CATSPERT: variants seen among roughly 807,000 people sequenced by gnomAD.
CATSPERT encodes the protein cation channel sperm-associated targeting subunit tau.
chr2:201,521,431 C>CAG, the CATSPERT span, among the ~76,000 whole-genome samples: 152 of 73,202 alleles, frequency 2.1e-3, 1 homozygote, highest in African/African-American at 4.0e-3. Flanking sequence ...GAGAGACAGA[C>CAG]AGAGAGAGAG....
the CATSPERT span, chr2:201,582,092 T>C: frequency 6.3e-6 from 10 of 1,599,842 alleles, no homozygotes; most frequent in Admixed American, 1.8e-5. Flanking sequence ...ATTTTATACA[T>C]ACCTGAATTA....
chr2:201,560,346 C>T, the CATSPERT span, among the ~76,000 whole-genome samples: 1 of 151,620 alleles, frequency 6.6e-6, no homozygotes, highest in African/African-American at 2.4e-5. Context: ...CTCCTTGAAC[C>T]CAGGAGGTGG....
the CATSPERT span, among the ~76,000 whole-genome samples, chr2:201,513,650 T>C: frequency 6.6e-6 from 1 of 152,280 alleles, no homozygotes; most frequent in African/African-American, 2.4e-5. Flanking sequence ...TGCAGCACCA[T>C]TCACAATAGC....
chr2:201,571,986 A>G, the CATSPERT span: 2 of 1,613,446 alleles, frequency 1.2e-6, no homozygotes, highest in South Asian at 1.1e-5. Context: ...ATTCATAAAC[A>G]TGGATGGCTC....
chr2:201,515,958 A>G, the CATSPERT span, among the ~76,000 whole-genome samples: 1 of 152,250 alleles, frequency 6.6e-6, no homozygotes, highest in Non-Finnish European at 1.5e-5. Context: ...AGCAGTATTC[A>G]TGTGCCAATT....
the CATSPERT span, among the ~76,000 whole-genome samples, chr2:201,501,555 G>A: frequency 6.6e-6 from 1 of 151,694 alleles, no homozygotes; most frequent in African/African-American, 2.4e-5. Context: ...TTAGAGTGGA[G>A]GTAAATAAAA....
At chr2:201,608,300 A>G in the CATSPERT span, among the ~76,000 whole-genome samples, 1 of 152,136 alleles carries the variant, frequency 6.6e-6, no homozygotes, top group Non-Finnish European at 1.5e-5. Flanking sequence ...GGCATGAGCC[A>G]TCATACCCAG....
chr2:201,526,474 C>T, the CATSPERT span, among the ~76,000 whole-genome samples: 18 of 152,078 alleles, frequency 1.2e-4, no homozygotes, highest in South Asian at 2.1e-4. Context: ...TCCGAGATCA[C>T]GCCACTGCAC....
the CATSPERT span, among the ~76,000 whole-genome samples, chr2:201,572,680 T>C: frequency 6.6e-6 from 1 of 151,478 alleles, no homozygotes; most frequent in Non-Finnish European, 1.5e-5. Context: ...ACAAAAGGAG[T>C]AAACAATTAG....
chr2:201,594,195 A>G, the CATSPERT span, among the ~76,000 whole-genome samples: 7 of 152,226 alleles, frequency 4.6e-5, no homozygotes, highest in Admixed American at 1.3e-4. Context: ...ATCTCTCAGC[A>G]TTTGCTTGTC....
chr2:201,549,580 T>C, the CATSPERT span: 2 of 152,144 alleles, frequency 1.3e-5, no homozygotes, highest in African/African-American at 4.8e-5. Flanking sequence ...CTAGTAAAAA[T>C]GTTACATAAC....
the CATSPERT span, among the ~76,000 whole-genome samples, chr2:201,599,651 T>C: frequency 6.6e-6 from 1 of 152,166 alleles, no homozygotes; most frequent in Non-Finnish European, 1.5e-5. Flanking sequence ...CAATTTTCTG[T>C]GTAATTATTA....
At chr2:201,618,063 G>A in the CATSPERT span, among the ~76,000 whole-genome samples, 1 of 152,130 alleles carries the variant, frequency 6.6e-6, no homozygotes, top group African/African-American at 2.4e-5. Flanking sequence ...GAAACAACAG[G>A]TGCTGGAGAG....
the CATSPERT span, chr2:201,535,540 C>T: frequency 3.1e-6 from 3 of 962,946 alleles, no homozygotes; most frequent in Non-Finnish European, 3.7e-6. Context: ...AATAACTCCT[C>T]AGGCTTTTAA....
chr2:201,543,856 CT>C, the CATSPERT span, among the ~76,000 whole-genome samples: 1 of 151,982 alleles, frequency 6.6e-6, no homozygotes, highest in African/African-American at 2.4e-5. Flanking sequence ...CTTTAACTTG[CT>C]TTCTTTTTTT....
At chr2:201,613,616 A>G in the CATSPERT span, among the ~76,000 whole-genome samples, 1 of 152,220 alleles carries the variant, frequency 6.6e-6, no homozygotes, top group African/African-American at 2.4e-5. Context: ...ACAGCAGAAA[A>G]GCTGAAAATT....
At chr2:201,619,119 G>A in the CATSPERT span, 1 of 1,614,120 alleles carries the variant, frequency 6.2e-7, no homozygotes, top group South Asian at 1.1e-5. Context: ...TTGTCTCTTG[G>A]GGTGGCTCCA....
At chr2:201,586,948 C>T in the CATSPERT span, among the ~76,000 whole-genome samples, 4 of 151,896 alleles carry the variant, frequency 2.6e-5, no homozygotes, top group African/African-American at 9.7e-5. Flanking sequence ...CACTCATCTT[C>T]CTCCCTCCTT....
At chr2:201,497,306 AACTCTGAATTCTTGACATAC>A in the CATSPERT span, among the ~76,000 whole-genome samples, 1 of 152,196 alleles carries the variant, frequency 6.6e-6, no homozygotes, top group Non-Finnish European at 1.5e-5. Flanking sequence ...AAATGTGTCT[AACTCTGAATTCTTGACATAC>A]ATCTTGTACT....
Sources: allele counts gnomAD v4.1 joint callset (sites outside exome capture counted in the v4.1 genomes callset), GRCh38; gene constraint gnomAD v4.1.1; transcripts MANE v1.5; gene names NCBI Gene and HGNC (gene_info 2026-07-23, HGNC 2026-07-21).